The following HEATR5A variants were observed in gnomAD, a reference collection of about 807,000 sequenced individuals.
HEATR5A encodes the protein HEAT repeat containing 5A, also known as HEAT repeat-containing protein 5A.
A neutral mutation model predicts 218.8 loss-of-function variants in HEATR5A; 178 were observed. The ratio of observed to expected loss-of-function variants is 0.81; its 90% confidence interval spans 0.72 to 0.92. The LOEUF is 0.92. Ranked by LOEUF, HEATR5A falls within the 40% of genes least tolerant of loss-of-function variation. HEATR5A has a pLI of 0.00. For missense variants in HEATR5A, 2,420 were observed against 2,418.9 expected (o/e 1.00, Z -0.01); for synonymous variants, 864 against 871.6 (o/e 0.99, Z 0.15).
intron 4 of HEATR5A, among the ~76,000 whole-genome samples, chr14:31,395,953 C>G (rs2030636902): frequency 6.6e-6 from 1 of 152,176 alleles, no homozygotes; most frequent in African/African-American, 2.4e-5. Flanking sequence ...CCCGCAGTAA[C>G]TTTGTGACTT....
chr14:31,349,517 C>T (rs1324352832), intron 18 of HEATR5A, among the ~76,000 whole-genome samples: 1 of 152,074 alleles, frequency 6.6e-6, no homozygotes, highest in African/African-American at 2.4e-5. Context: ...ATTTCACTAT[C>T]CTAGAGTCCA....
intron 1 of HEATR5A, among the ~76,000 whole-genome samples, chr14:31,411,638 T>C (rs1036321290): frequency 3.3e-5 from 5 of 152,200 alleles, no homozygotes; most frequent in South Asian, 4.1e-4. Context: ...AACATGGTAA[T>C]GTGCACTATG....
intron 35 of HEATR5A, 85 bp from the exon 36 acceptor site, chr14:31,293,697 T>C (rs1031672777): frequency 7.8e-7 from 1 of 1,288,134 alleles, no homozygotes; most frequent in African/African-American, 1.5e-5. Flanking sequence ...GTATACATTT[T>C]TCCCCACTAA....
chr14:31,294,158 T>C, intron 34 of HEATR5A, 54 bp from the exon 35 acceptor site: 1 of 1,181,686 alleles, frequency 8.5e-7, no homozygotes, highest in Non-Finnish European at 1.2e-6. Context: ...TTTTAAAAAG[T>C]CCCTGAGGAC....
In HEATR5A at chr14:31,309,148, A is replaced by G. The variant is rs1438949758; in HGVS notation, c.4476T>C (p.Asn1492=). The G allele has an allele frequency of 1.9e-6, 3 of 1,613,986 alleles. No individual in the cohort carries two copies. Among genetic ancestry groups the G allele is most frequent in the Non-Finnish European group, 2.5e-6 (3 of 1,179,864 alleles). Reference sequence around the variant, plus strand: ...AGGAGTTGTAATAATGCAATTTTGCATTTTCACTAGTCTCTGCTGTGTAGA... The same window carrying G: ...AGGAGTTGTAATAATGCAATTTTGCGTTTTCACTAGTCTCTGCTGTGTAGA... ...GAFYTAETSE[N]AKLHYYNSWA... is the part of the protein sequence containing the mutation. The change falls in exon 29 of 36, where the codon AAT becomes AAC. Residue 1492 remains asparagine, a synonymous_variant. Coordinates refer to ENST00000543095, the MANE Select transcript of HEATR5A (RefSeq NM_015473.4).
chr14:31,358,566 G>C (rs1901505616), intron 16 of HEATR5A, 71 bp downstream of exon 16: 2 of 1,314,960 alleles, frequency 1.5e-6, no homozygotes, highest in Non-Finnish European at 2.1e-6. Context: ...ACGCTAATGA[G>C]ATCTCTGGCA....
intron 16 of HEATR5A, among the ~76,000 whole-genome samples, chr14:31,352,484 G>A (rs1488981500): frequency 2.0e-5 from 3 of 152,078 alleles, no homozygotes; most frequent in Non-Finnish European, 4.4e-5. Context: ...TCATTCTGCT[G>A]AGGCTACAAG....
chr14:31,350,359 C>T (rs1312013513), intron 17 of HEATR5A, among the ~76,000 whole-genome samples: 1 of 152,120 alleles, frequency 6.6e-6, no homozygotes, highest in Non-Finnish European at 1.5e-5. Flanking sequence ...GTCTATCAAT[C>T]CCTGGCCCAG....
At position 31,326,351 on chromosome 14, in the gene HEATR5A, A is replaced by G. The variant is rs747329625; in HGVS notation, c.3368-9T>C. 1.3e-6 allele frequency: 2 copies of G among 1,599,788 alleles called. No individual in the cohort carries two copies. The highest frequency in any genetic ancestry group is 1.7e-6 in the Non-Finnish European group (2 of 1,173,202). ...TTCTCTGATGTTAGCATCTGACAAG[A>G]AGAAAATCAATTATCTAAGTAATAC... On this transcript the variant is annotated splice_polypyrimidine_tract_variant and intron_variant, in intron 22 of 35. Transcript: ENST00000543095.
chr14:31,313,260 C>T, intron 27 of HEATR5A, 70 bp from the exon 28 acceptor site: 1 of 1,188,960 alleles, frequency 8.4e-7, no homozygotes, highest in Non-Finnish European at 1.2e-6. Flanking sequence ...ATTTTTATAT[C>T]TTCCTGAAGA....
intron 33 of HEATR5A, among the ~76,000 whole-genome samples, chr14:31,301,680 A>G (rs981892072): frequency 3.9e-5 from 6 of 151,990 alleles, no homozygotes; most frequent in Admixed American, 6.6e-5. Flanking sequence ...TTCAGTAGAG[A>G]TGGGGTTTCA....
chr14:31,301,165 T>A (rs1899357927), intron 33 of HEATR5A, among the ~76,000 whole-genome samples: 1 of 152,218 alleles, frequency 6.6e-6, no homozygotes, highest in East Asian at 1.9e-4. Context: ...GGAAAATGCA[T>A]ACTGTGTCTA....
chr14:31,413,204 C>G (rs1595191055), intron 1 of HEATR5A, among the ~76,000 whole-genome samples: 1 of 152,088 alleles, frequency 6.6e-6, no homozygotes, highest in African/African-American at 2.4e-5. Flanking sequence ...GCAATATGAA[C>G]AGCAAATACA....
chr14:31,369,145 A>C (rs1023618268), intron 13 of HEATR5A, among the ~76,000 whole-genome samples: 24 of 151,914 alleles, frequency 1.6e-4, no homozygotes, highest in Admixed American at 5.2e-4. Flanking sequence ...AAAAAGTAAA[A>C]AATTAGCTGG....
At chr14:31,333,109 C>A (rs1162495465) in intron 22 of HEATR5A, among the ~76,000 whole-genome samples, 2 of 151,984 alleles carry the variant, frequency 1.3e-5, no homozygotes, top group Non-Finnish European at 2.9e-5. Context: ...AAGGTAGAAA[C>A]TAGCAGAGGT....
At chr14:31,405,353 G>A (rs1175466182) in intron 1 of HEATR5A, among the ~76,000 whole-genome samples, 3 of 152,084 alleles carry the variant, frequency 2.0e-5, no homozygotes, top group African/African-American at 4.8e-5. Context: ...AGTATCGCTC[G>A]AGCCCTGAAG....
At chr14:31,350,396 T>C (rs1901178913) in intron 17 of HEATR5A, among the ~76,000 whole-genome samples, 1 of 152,222 alleles carries the variant, frequency 6.6e-6, no homozygotes, top group Non-Finnish European at 1.5e-5. Flanking sequence ...GGTTAATGCA[T>C]GGCTCTATGC....
At chr14:31,317,032 G>T (rs1000512834) in intron 26 of HEATR5A, among the ~76,000 whole-genome samples, 12 of 152,032 alleles carry the variant, frequency 7.9e-5, no homozygotes, top group Admixed American at 7.9e-4. Flanking sequence ...CCTCTTCTGT[G>T]TATTTGTTTA....
chr14:31,304,829 T>C, intron 32 of HEATR5A, 76 bp downstream of exon 32: 2 of 1,434,922 alleles, frequency 1.4e-6, no homozygotes, highest in Non-Finnish European at 1.9e-6. Flanking sequence ...AGAAAAAGAT[T>C]AGCAACTAGA....
Sources: allele counts gnomAD v4.1 joint callset (sites outside exome capture counted in the v4.1 genomes callset), GRCh38; gene constraint gnomAD v4.1.1; transcripts MANE v1.5; gene names NCBI Gene and HGNC (gene_info 2026-07-23, HGNC 2026-07-21).